Variants in VPS26A observed in about 807,000 individuals in gnomAD.
VPS26A encodes VPS26 retromer complex component A, also known as vacuolar protein sorting-associated protein 26A.
VPS26A carries 22 observed loss-of-function variants against 42.4 expected under a neutral mutation model. The observed-to-expected ratio is 0.52, with a 90% CI of 0.37 to 0.74. The LOEUF (loss-of-function observed/expected upper bound fraction) is 0.74, where lower values mean the gene tolerates loss of function less well. Among genes scored for constraint, VPS26A ranks in the 30% least tolerant of loss-of-function variants. The pLI is 0.00. For synonymous variants in VPS26A, 110 were observed against 123.5 expected (o/e 0.89, Z 0.73); for missense variants, 276 against 379.2 (o/e 0.73, Z 2.26).
intron 1 of VPS26A, among the ~76,000 whole-genome samples, chr10:69,126,050 T>G (rs2132177412): frequency 6.6e-6 from 1 of 152,346 alleles, no homozygotes; most frequent in East Asian, 1.9e-4. Context: ...TGCAGTCCAG[T>G]TATTTAAAAG....
chr10:69,130,430 T>C (rs961009868), intron 1 of VPS26A, among the ~76,000 whole-genome samples: 1 of 152,146 alleles, frequency 6.6e-6, no homozygotes, highest in African/African-American at 2.4e-5. Flanking sequence ...CACTAGCAAA[T>C]TGGAACTGTT....
At chr10:69,143,698 GCTTT>G (rs1230494334) in intron 2 of VPS26A, among the ~76,000 whole-genome samples, 1 of 152,068 alleles carries the variant, frequency 6.6e-6, no homozygotes, top group Non-Finnish European at 1.5e-5. Flanking sequence ...CACCCAGATT[GCTTT>G]CTTTTAGTTT....
intron 2 of VPS26A, among the ~76,000 whole-genome samples, chr10:69,149,778 C>T (rs1337440611): frequency 1.8e-5 from 2 of 111,726 alleles, no homozygotes; most frequent in Admixed American, 1.3e-4. Context: ...ATGGAGTCTT[C>T]GTCTGTCACC....
At chr10:69,133,365 A>G (rs1243820263) in intron 2 of VPS26A, among the ~76,000 whole-genome samples, 1 of 151,988 alleles carries the variant, frequency 6.6e-6, no homozygotes, top group African/African-American at 2.4e-5. Context: ...GGTTTCAGAC[A>G]GTTTCTTCAG....
Position 69,162,530 on chromosome 10 carries a change from T to C in VPS26A, c.658+18T>C, listed in dbSNP as rs774677283. ...AGGAATTGGTAAGTTGAAAAGAGTA[T>C]GTAAATTAAAATTCTTTGTTTTAGT... On this transcript the variant is annotated intron_variant, in intron 6 of 8. Transcript: ENST00000263559. 27 of 1,438,132 alleles carry C rather than the reference T, an allele frequency of 1.9e-5. No homozygotes were observed. The highest frequency in any genetic ancestry group is 1.9e-5 in the Non-Finnish European group (20 of 1,051,208). 89.1% of individuals were successfully genotyped at this position (1,438,132 alleles called of 1,614,324 possible).
chr10:69,165,009 C>T (rs941716593), intron 6 of VPS26A, among the ~76,000 whole-genome samples: 1 of 151,342 alleles, frequency 6.6e-6, no homozygotes, highest in African/African-American at 2.4e-5. Flanking sequence ...CTCACTGCAA[C>T]CTCTGCCTCC....
intron 2 of VPS26A, among the ~76,000 whole-genome samples, chr10:69,140,021 A>G (rs1841005272): frequency 6.6e-6 from 1 of 150,428 alleles, no homozygotes; most frequent in African/African-American, 2.4e-5. Flanking sequence ...ATGGGATTTG[A>G]CCTTGATATA....
chr10:69,159,264 C>T (rs998894284), intron 5 of VPS26A, among the ~76,000 whole-genome samples: 2 of 151,732 alleles, frequency 1.3e-5, no homozygotes, highest in African/African-American at 4.8e-5. Flanking sequence ...GCCTGTAATC[C>T]CAGCTACTTG....
rs1391738418 is a variant in VPS26A at position 69,171,918 on chromosome 10, C to T, written c.*649C>T. On this transcript the variant is annotated 3_prime_UTR_variant, in exon 9 of 9. Transcript: ENST00000263559. ...GCTATGAATATTAGATTTCTTTCCC[C>T]AAGGGATTATGTGGCAGGTCATTAT... 6.6e-6 allele frequency: 1 copy of T among 152,062 alleles called. No homozygotes were observed. Among genetic ancestry groups the T allele is most frequent in the East Asian group, 1.9e-4 (1 of 5,192 alleles). 9.4% of individuals were successfully genotyped at this position (152,062 alleles called of 1,614,324 possible).
At chr10:69,130,470 A>G (rs546665501) in intron 1 of VPS26A, among the ~76,000 whole-genome samples, 3 of 152,358 alleles carry the variant, frequency 2.0e-5, no homozygotes, top group South Asian at 4.1e-4. Flanking sequence ...TTGGAGGCTG[A>G]GTAGTTGGAG....
At chr10:69,155,447 A>C (rs1163754381) in intron 2 of VPS26A, among the ~76,000 whole-genome samples, 1 of 152,202 alleles carries the variant, frequency 6.6e-6, no homozygotes, top group Non-Finnish European at 1.5e-5. Flanking sequence ...TGAAATTAGT[A>C]ATTACCTCAC....
chr10:69,137,270 A>C (rs1012823069), intron 2 of VPS26A, among the ~76,000 whole-genome samples: 2 of 152,224 alleles, frequency 1.3e-5, no homozygotes, highest in Admixed American at 6.5e-5. Context: ...AAACTTAGCA[A>C]CCTAAAATAA....
At chr10:69,158,502 A>G (rs1219592689) in intron 5 of VPS26A, among the ~76,000 whole-genome samples, 1 of 151,956 alleles carries the variant, frequency 6.6e-6, no homozygotes, top group Non-Finnish European at 1.5e-5. Context: ...TACTGGCTTG[A>G]TATTACCTCA....
At chr10:69,126,945 G>A (rs1359548292) in intron 1 of VPS26A, among the ~76,000 whole-genome samples, 1 of 151,516 alleles carries the variant, frequency 6.6e-6, no homozygotes, top group South Asian at 2.1e-4. Flanking sequence ...TTTTTAGTAA[G>A]ACTAGTTCTT....
intron 2 of VPS26A, 68 bp from the exon 3 acceptor site, chr10:69,155,744 G>A (rs1483164597): frequency 1.7e-6 from 2 of 1,202,626 alleles, no homozygotes; most frequent in Non-Finnish European, 2.4e-6. Context: ...GCATTCATCT[G>A]AAAGGAAGCT....
chr10:69,147,200 C>T (rs1289285991), intron 2 of VPS26A, among the ~76,000 whole-genome samples: 1 of 151,986 alleles, frequency 6.6e-6, no homozygotes. Flanking sequence ...TGCTTATTGC[C>T]ATATGTCTGT....
chr10:69,156,098 T>C (rs1328229587), intron 3 of VPS26A, among the ~76,000 whole-genome samples: 1 of 152,130 alleles, frequency 6.6e-6, no homozygotes, highest in Non-Finnish European at 1.5e-5. Context: ...TTTCATGATA[T>C]ATATGAAACT....
In VPS26A at chr10:69,158,126, A is replaced by G; in HGVS notation, c.466A>G (p.Thr156Ala). The G allele has an allele frequency of 6.2e-7, 1 of 1,613,458 alleles. No individual in the cohort carries two copies. Among genetic ancestry groups the G allele is most frequent in the East Asian group, 2.2e-5 (1 of 44,798 alleles). Residue 156 changes from threonine to alanine, a missense_variant, in exon 5 of 9, where the codon ACC (threonine) becomes GCC (alanine). Coordinates refer to ENST00000263559, the MANE Select transcript of VPS26A (RefSeq NM_004896.5). ...TGATCTTATTGTTCACCAGCTTGCC[A>G]CCTATCCTGATGTTAACAACTCTAT... Reference protein sequence around the residue: ...EYDLIVHQLATYPDVNNSIKM... With the variant: ...EYDLIVHQLAAYPDVNNSIKM...
chr10:69,124,219 TGGGAGTTCTCCTGA>T lies in VPS26A; in HGVS notation c.-54_-41del. 3.9e-6 allele frequency: 5 copies of T among 1,275,814 alleles called. No individual in the cohort carries two copies. The highest frequency in any genetic ancestry group is 5.0e-6 in the Non-Finnish European group (5 of 1,005,652). The allele number at this position is 1,275,814 out of a possible 1,614,324, so 79.0% of individuals were successfully genotyped here. A position where few individuals can be genotyped will look rare whatever the true frequency, so the allele number is the denominator to read the frequency against. On this transcript the variant is annotated 5_prime_UTR_variant, in exon 1 of 9. Transcript: ENST00000263559. The stretch of plus-strand genomic sequence containing the variant: ...GCGCCGGAGCGGAGGGAGCCGGGGC[TGGGAGTTCTCCTGA>T]GGGAAGAGGAGTGGAGTAGGGGGGA...
Sources: allele counts gnomAD v4.1 joint callset (sites outside exome capture counted in the v4.1 genomes callset), GRCh38; gene constraint gnomAD v4.1.1; transcripts MANE v1.5; gene names NCBI Gene and HGNC (gene_info 2026-07-23, HGNC 2026-07-21).